Variants in DNAH5 observed in about 807,000 individuals in gnomAD.
The protein encoded by DNAH5 is dynein axonemal heavy chain 5.
A neutral mutation model predicts 518.2 loss-of-function variants in DNAH5; 372 were observed. The ratio of observed to expected loss-of-function variants is 0.72; its 90% CI spans 0.66 to 0.78. The LOEUF (loss-of-function observed/expected upper bound fraction) is 0.78. Among genes scored for constraint, DNAH5 ranks in the 30% least tolerant of loss-of-function variants. DNAH5 has a pLI of 0.00. For synonymous variants in DNAH5, 2,039 were observed against 2,025.9 expected (o/e 1.01, Z -0.17); for missense variants, 5,523 against 5,687.0 (o/e 0.97, Z 0.93).
intron 75 of DNAH5, among the ~76,000 whole-genome samples, chr5:13,712,413 A>G (rs1333498631): frequency 6.6e-6 from 1 of 152,250 alleles, no homozygotes; most frequent in African/African-American, 2.4e-5. Context: ...AGCTTAGGCA[A>G]GGATTTCATG....
At chr5:13,758,786 T>A (rs1270421258) in intron 61 of DNAH5, 60 bp downstream of exon 61, 3 of 1,612,700 alleles carry the variant, frequency 1.9e-6, no homozygotes, top group Non-Finnish European at 2.5e-6. Context: ...GAACCCAAAC[T>A]CTTGGAGAGA....
rs751631866 is a variant in DNAH5, at chr5:13,714,659, C to A, written c.12910-39G>T. 3.8e-6 allele frequency: 6 copies of A among 1,596,652 alleles called. No individual in the cohort carries two copies. In the East Asian group the frequency reaches 1.3e-4, roughly 36 times the overall value. On this transcript the variant is annotated intron_variant, in intron 74 of 78. Transcript: ENST00000265104. The stretch of plus-strand genomic sequence containing the variant: ...ACCCCAGATAAGCACAGACTGCCAA[C>A]ATAAGCACCGTCTAAATTACACTAT...
intron 1 of DNAH5, among the ~76,000 whole-genome samples, chr5:13,988,096 G>A (rs1303827581): frequency 6.6e-6 from 1 of 152,122 alleles, no homozygotes; most frequent in Non-Finnish European, 1.5e-5. Context: ...TCTTATTTTG[G>A]TTGATAAGGA....
chr5:13,892,237 G>A (rs6863220), intron 16 of DNAH5, among the ~76,000 whole-genome samples: 2 of 152,000 alleles, frequency 1.3e-5, no homozygotes, highest in African/African-American at 4.8e-5. Flanking sequence ...AATTCTCTAC[G>A]CTTTCTAACG....
chr5:14,008,765 T>A (rs533514466), intron 1 of DNAH5, among the ~76,000 whole-genome samples: 2 of 152,356 alleles, frequency 1.3e-5, no homozygotes, highest in Admixed American at 1.3e-4. Context: ...ACATAGTAGG[T>A]ACTTAATAAG....
chr5:13,838,006 T>G (rs1370086490), intron 35 of DNAH5, among the ~76,000 whole-genome samples: 2 of 152,136 alleles, frequency 1.3e-5, no homozygotes, highest in African/African-American at 4.8e-5. Context: ...GCCCAGTCCA[T>G]TTTTTTAATG....
At chr5:13,826,343 A>C (rs746393327) in intron 38 of DNAH5, among the ~76,000 whole-genome samples, 3 of 152,172 alleles carry the variant, frequency 2.0e-5, no homozygotes, top group South Asian at 2.1e-4. Context: ...GCATGGAAAA[A>C]ATATTTATTT....
intron 1 of DNAH5, among the ~76,000 whole-genome samples, chr5:13,967,140 C>A (rs982557968): frequency 4.6e-5 from 7 of 152,200 alleles, no homozygotes; most frequent in Admixed American, 6.5e-5. Flanking sequence ...GGAATTACAA[C>A]CATGAGCCAC....
intron 41 of DNAH5, among the ~76,000 whole-genome samples, chr5:13,819,343 C>T (rs966197023): frequency 6.6e-6 from 1 of 152,144 alleles, no homozygotes; most frequent in African/African-American, 2.4e-5. Context: ...AGTCTGAGGA[C>T]TGCCTGGTAG....
intron 55 of DNAH5, 139 bp from the exon 56 acceptor site, chr5:13,771,119 A>G: frequency 1.4e-6 from 1 of 727,322 alleles, no homozygotes; most frequent in Non-Finnish European, 2.3e-6. Flanking sequence ...GATCTGTGTC[A>G]GCATTTTTGG....
chr5:13,761,582 G>A (rs1718992939), intron 60 of DNAH5, among the ~76,000 whole-genome samples: 1 of 115,734 alleles, frequency 8.6e-6, no homozygotes, highest in African/African-American at 3.7e-5. Flanking sequence ...GACAGAGAAA[G>A]ACTCCGTCTC....
chr5:13,990,212 A>G (rs1783424306), intron 1 of DNAH5, among the ~76,000 whole-genome samples: 1 of 152,200 alleles, frequency 6.6e-6, no homozygotes, highest in Admixed American at 6.5e-5. Flanking sequence ...GATAGGGAAG[A>G]GACTCACAAG....
At chr5:13,868,278 A>G (rs559870291) in intron 24 of DNAH5, among the ~76,000 whole-genome samples, 171 of 152,344 alleles carry the variant, frequency 1.1e-3, no homozygotes, top group African/African-American at 3.8e-3. Context: ...AAACCATTAG[A>G]CAAATAAAAG....
intron 24 of DNAH5, among the ~76,000 whole-genome samples, chr5:13,868,914 TAA>T (rs1472465236): frequency 6.6e-6 from 1 of 152,192 alleles, no homozygotes; most frequent in Admixed American, 6.5e-5. Flanking sequence ...AGTAATACAC[TAA>T]GTTATGTCTT....
At chr5:13,957,223 G>A (rs1364770187) in intron 1 of DNAH5, among the ~76,000 whole-genome samples, 1 of 152,184 alleles carries the variant, frequency 6.6e-6, no homozygotes. Flanking sequence ...CAGAAGGAGA[G>A]ACTCTGGAAA....
chr5:13,890,173 G>A (rs1489955819), intron 17 of DNAH5, among the ~76,000 whole-genome samples: 2 of 152,158 alleles, frequency 1.3e-5, no homozygotes, highest in African/African-American at 2.4e-5. Context: ...TTGGGAGGCC[G>A]AGGCAGGCAG....
intron 30 of DNAH5, among the ~76,000 whole-genome samples, chr5:13,852,420 G>C (rs551899947): frequency 6.6e-6 from 1 of 152,268 alleles, no homozygotes; most frequent in South Asian, 2.1e-4. Flanking sequence ...GCCCACCTCA[G>C]CCTCCCAAAT....
intron 72 of DNAH5, 140 bp downstream of exon 72, chr5:13,718,742 G>C: frequency 1.4e-6 from 1 of 738,374 alleles, no homozygotes; most frequent in Non-Finnish European, 2.4e-6. Context: ...ATTCACAAAA[G>C]AGGACCATCA....
chr5:13,951,806 T>C (rs76367272), intron 1 of DNAH5, among the ~76,000 whole-genome samples: 2,303 of 152,316 alleles, frequency 0.015, 37 homozygotes, highest in East Asian at 0.06. Context: ...TCTTTGCTGT[T>C]ATCACAGCTG....
Sources: allele counts gnomAD v4.1 joint callset (sites outside exome capture counted in the v4.1 genomes callset), GRCh38; gene constraint gnomAD v4.1.1; transcripts MANE v1.5; gene names NCBI Gene and HGNC (gene_info 2026-07-23, HGNC 2026-07-21).